CNTN4: variants seen among roughly 807,000 people sequenced by gnomAD.
CNTN4 encodes the protein contactin-4.
A neutral mutation model predicts 122.5 loss-of-function variants in CNTN4; 77 were observed. That is an observed-to-expected ratio of 0.63 (90% CI 0.52 to 0.76). The LOEUF is 0.76. CNTN4 is among the 30% of genes least tolerant of loss of function. CNTN4 has a pLI of 0.00. For missense variants in CNTN4, 1,256 were observed against 1,259.1 expected (o/e 1.00, Z 0.04); for synonymous variants, 512 against 447.0 (o/e 1.15, Z -1.83).
At chr3:2,667,161 G>A (rs1309213321) in intron 4 of CNTN4, among the ~76,000 whole-genome samples, 1 of 152,104 alleles carries the variant, frequency 6.6e-6, no homozygotes, top group Non-Finnish European at 1.5e-5. Flanking sequence ...CTGAGGAATC[G>A]CCACACTAAC....
intron 3 of CNTN4, among the ~76,000 whole-genome samples, chr3:2,340,271 A>T (rs1271674483): frequency 6.6e-6 from 1 of 152,138 alleles, no homozygotes; most frequent in Admixed American, 6.6e-5. Context: ...ATTTATGGGA[A>T]AATAATCATA....
intron 4 of CNTN4, among the ~76,000 whole-genome samples, chr3:2,616,015 G>GCT (rs903586756): frequency 7.4e-6 from 1 of 134,414 alleles, no homozygotes; most frequent in Non-Finnish European, 1.6e-5. Context: ...AGTTCCTCAG[G>GCT]CTGCCTTTTT....
intron 4 of CNTN4, among the ~76,000 whole-genome samples, chr3:2,676,318 T>C (rs901480825): frequency 1.1e-4 from 17 of 151,698 alleles, no homozygotes; most frequent in African/African-American, 3.9e-4. Flanking sequence ...GCCTCCTGGG[T>C]TCAAGCAATT....
chr3:2,899,783 T>G (rs2094153303), intron 10 of CNTN4, among the ~76,000 whole-genome samples: 1 of 152,126 alleles, frequency 6.6e-6, no homozygotes, highest in Admixed American at 6.6e-5. Flanking sequence ...GGAGGTTTGA[T>G]AAAAATCAGA....
chr3:3,011,137 T>C (rs56282182), intron 14 of CNTN4, among the ~76,000 whole-genome samples: 9,967 of 152,242 alleles, frequency 0.065, 520 homozygotes, highest in Non-Finnish European at 0.088. Flanking sequence ...AGGAGAATTA[T>C]AAGATAGAAG....
intron 2 of CNTN4, among the ~76,000 whole-genome samples, chr3:2,219,615 C>G (rs755458806): frequency 1.3e-5 from 2 of 152,062 alleles, no homozygotes; most frequent in Non-Finnish European, 2.9e-5. Context: ...TTGAAAGAAT[C>G]TTTAATTTAG....
Position 2,371,161 on chromosome 3 carries a change from C to T in CNTN4, c.-89+31928C>T, listed in dbSNP as rs139053689. Among the ~76,000 whole-genome samples, 144 of 152,288 alleles carry T rather than the reference C, an allele frequency of 9.5e-4. 1 individual carries two copies. Among genetic ancestry groups the T allele is most frequent in the African/African-American group, 3.3e-3 (139 of 41,570 alleles). ...ATTGATACCCAGAGGTTCCTTCTAA[C>T]ATAGTTCATCAAGCCAGCCAGAAAT... is the stretch of plus-strand genomic sequence containing the variant. On this transcript the variant is annotated intron_variant, in intron 3 of 24. Coordinates refer to ENST00000418658, the MANE Select transcript of CNTN4 (RefSeq NM_175607.3).
At chr3:2,780,719 T>C (rs2091534699) in intron 6 of CNTN4, among the ~76,000 whole-genome samples, 1 of 152,228 alleles carries the variant, frequency 6.6e-6, no homozygotes, top group South Asian at 2.1e-4. Context: ...CCCCAGTACA[T>C]ACGCATGCCC....
chr3:2,847,517 T>C (rs1265394427), intron 7 of CNTN4, among the ~76,000 whole-genome samples: 3 of 152,326 alleles, frequency 2.0e-5, no homozygotes, highest in Non-Finnish European at 4.4e-5. Flanking sequence ...CAGGAGGTGA[T>C]AGCTCTGTGT....
At chr3:2,368,899 C>T (rs556895678) in intron 3 of CNTN4, among the ~76,000 whole-genome samples, 1 of 152,208 alleles carries the variant, frequency 6.6e-6, no homozygotes, top group South Asian at 2.1e-4. Context: ...CATCCTAAGA[C>T]TAAAGCACAG....
chr3:2,661,053 C>T (rs967537678), intron 4 of CNTN4, among the ~76,000 whole-genome samples: 2 of 152,136 alleles, frequency 1.3e-5, no homozygotes, highest in African/African-American at 2.4e-5. Flanking sequence ...AGTTAAGGAG[C>T]GGAGGTAAAG....
chr3:2,335,116 G>A (rs1002225476), intron 2 of CNTN4, among the ~76,000 whole-genome samples: 3 of 152,070 alleles, frequency 2.0e-5, no homozygotes, highest in African/African-American at 7.2e-5. Context: ...CAGCTGATTT[G>A]TTCAAAGATT....
At chr3:2,115,508 C>T (rs1313582675) in intron 2 of CNTN4, among the ~76,000 whole-genome samples, 2 of 152,350 alleles carry the variant, frequency 1.3e-5, no homozygotes, top group African/African-American at 4.8e-5. Context: ...GCACGAGACA[C>T]ACAAGTTAGC....
intron 3 of CNTN4, among the ~76,000 whole-genome samples, chr3:2,441,432 T>A (rs1018807792): frequency 6.6e-6 from 1 of 152,224 alleles, no homozygotes; most frequent in African/African-American, 2.4e-5. Flanking sequence ...TATTTCCCAA[T>A]ATTATCTGTC....
At chr3:2,795,985 A>G (rs1342966386) in intron 6 of CNTN4, among the ~76,000 whole-genome samples, 1 of 152,168 alleles carries the variant, frequency 6.6e-6, no homozygotes, top group Non-Finnish European at 1.5e-5. Context: ...ACCATTTCTT[A>G]GATGTCTAGT....
chr3:2,161,416 T>A (rs1373673218), intron 2 of CNTN4, among the ~76,000 whole-genome samples: 1 of 151,942 alleles, frequency 6.6e-6, no homozygotes, highest in Non-Finnish European at 1.5e-5. Flanking sequence ...GAGAACTGCT[T>A]GGGGTCGGGG....
At chr3:2,932,665 A>G (rs984140197) in intron 13 of CNTN4, among the ~76,000 whole-genome samples, 7 of 152,108 alleles carry the variant, frequency 4.6e-5, no homozygotes, top group South Asian at 4.1e-4. Flanking sequence ...TGGGAAATAC[A>G]TACGTCACTG....
chr3:2,527,970 G>A (rs2077462767), intron 3 of CNTN4, among the ~76,000 whole-genome samples: 1 of 152,000 alleles, frequency 6.6e-6, no homozygotes, highest in Non-Finnish European at 1.5e-5. Flanking sequence ...TTCATTTCTA[G>A]GTTTCAGTTT....
chr3:2,255,636 A>G (rs2040555353), intron 2 of CNTN4, among the ~76,000 whole-genome samples: 1 of 152,176 alleles, frequency 6.6e-6, no homozygotes, highest in Non-Finnish European at 1.5e-5. Flanking sequence ...TAAGAAACTC[A>G]CTCAAAACCG....
Sources: gnomAD v4.1 joint callset for allele counts (sites outside exome capture counted in the v4.1 genomes callset) on GRCh38, gnomAD v4.1.1 for gene constraint, MANE v1.5 for transcripts, NCBI Gene and HGNC (gene_info 2026-07-23, HGNC 2026-07-21) for gene names.